Variants in ADGRV1 observed in about 807,000 individuals in gnomAD.
ADGRV1 encodes the protein G-protein coupled receptor 98.
ADGRV1 carries 359 observed loss-of-function variants against 596.2 expected under a neutral mutation model. The observed-to-expected ratio is 0.60, with a 90% CI of 0.55 to 0.66. The LOEUF is 0.66. Among genes scored for constraint, ADGRV1 ranks in the 30% least tolerant of loss-of-function variants. The pLI is 0.00. For missense variants in ADGRV1, 7,274 were observed against 7,575.6 expected, an observed-to-expected ratio of 0.96 and a Z score of 1.48; for synonymous variants, 2,681 against 2,679.2, an observed-to-expected ratio of 1.00 and a Z score of -0.02.
At chr5:90,903,407 T>TA (rs1157374599) in intron 83 of ADGRV1, among the ~76,000 whole-genome samples, 12 of 152,058 alleles carry the variant, frequency 7.9e-5, no homozygotes, top group Admixed American at 7.9e-4. Flanking sequence ...TTTATCTCTT[T>TA]AAAATGGGAC....
intron 85 of ADGRV1, among the ~76,000 whole-genome samples, chr5:91,013,480 T>C (rs529319553): frequency 1.3e-5 from 2 of 152,296 alleles, no homozygotes; most frequent in African/African-American, 4.8e-5. Context: ...TGAGCTTTCT[T>C]CATATGCCTG....
intron 79 of ADGRV1, chr5:90,850,748 G>A (rs968210499): frequency 6.6e-6 from 1 of 152,158 alleles, no homozygotes; most frequent in Admixed American, 6.6e-5. Context: ...TGCTGTGCAT[G>A]TTGAGTCCCA....
intron 83 of ADGRV1, among the ~76,000 whole-genome samples, chr5:90,878,043 G>A (rs556955058): frequency 6.6e-6 from 1 of 152,274 alleles, no homozygotes; most frequent in East Asian, 1.9e-4. Flanking sequence ...CAGTGATAAT[G>A]CCACAGGAAA....
chr5:90,622,572 C>T, intron 4 of ADGRV1, 25 bp from the exon 5 acceptor site: 7 of 1,181,356 alleles, frequency 5.9e-6, no homozygotes, highest in Non-Finnish European at 8.0e-6. Flanking sequence ...AGCTCCTGAT[C>T]ATCTGTGCTT....
intron 87 of ADGRV1, among the ~76,000 whole-genome samples, chr5:91,131,950 T>C (rs1794252813): frequency 6.6e-6 from 1 of 152,200 alleles, no homozygotes; most frequent in Non-Finnish European, 1.5e-5. Flanking sequence ...AAATCTTTAA[T>C]CCACTTTGAG....
intron 64 of ADGRV1, among the ~76,000 whole-genome samples, chr5:90,780,329 G>A (rs1758704863): frequency 6.6e-6 from 1 of 152,084 alleles, no homozygotes; most frequent in South Asian, 2.1e-4. Flanking sequence ...ACTGGTAACA[G>A]TTACTCTTAT....
At chr5:90,858,941 C>T (rs2150430207) in intron 82 of ADGRV1, among the ~76,000 whole-genome samples, 1 of 152,278 alleles carries the variant, frequency 6.6e-6, no homozygotes, top group South Asian at 2.1e-4. Flanking sequence ...TTCTAAAAAG[C>T]CACCCAAAAT....
In ADGRV1 at chr5:90,628,816, T is replaced by A. The variant is rs779083717; in HGVS notation, c.1493T>A (p.Val498Glu). 9.3e-6 allele frequency: 15 copies of A among 1,613,828 alleles called. No individual in the cohort carries two copies. The highest frequency in any genetic ancestry group is 1.3e-5 in the Non-Finnish European group (15 of 1,179,840). ...CATACAATACGAGGAGGTGCAGAAG[T>A]GAGCGAGCCAGCGGAGGTATAACCC... Reference protein sequence around the residue: ...LPHTIRGGAEVSEPAELLFYI... With the variant: ...LPHTIRGGAEESEPAELLFYI... Residue 498 changes from valine (V) to glutamate (E), a missense_variant, in exon 8 of 90, where the codon GTG becomes GAG. Around this residue, in one of 5 missense-constraint regions of ADGRV1, gnomAD observed 1,715 missense variants for 1,708.8 expected, o/e 1.00. Transcript: ENST00000405460.
intron 85 of ADGRV1, among the ~76,000 whole-genome samples, chr5:90,994,329 C>G (rs1781233113): frequency 6.6e-6 from 1 of 152,144 alleles, no homozygotes; most frequent in South Asian, 2.1e-4. Context: ...TCCCAAAGTG[C>G]TGGGATTACA....
At position 90,848,805 on chromosome 5, in the gene ADGRV1, G is replaced by T. The variant is rs745645525; in HGVS notation, c.17188G>T (p.Gly5730Cys). 6.3e-7 allele frequency: 1 copy of T among 1,580,644 alleles called. No homozygotes were observed. The highest frequency in any genetic ancestry group is 1.2e-5 in the South Asian group (1 of 83,152). Residue 5730 changes from glycine (G) to cysteine (C), a missense_variant, in exon 79 of 90, where the codon GGC becomes TGC. By Grantham distance (159) the Gly-to-Cys change is radical. Transcript: ENST00000405460. ...TTCTCTGCTGACTAATGTTACTTGC[G>T]GCTCTCCTGGTGAAAAGTAAGTATC... ...AFSLLTNVTCGSPGEKSKTIL... is the reference protein window; with the variant it reads ...AFSLLTNVTCCSPGEKSKTIL...
At chr5:90,743,543 C>T (rs1046527731) in intron 50 of ADGRV1, among the ~76,000 whole-genome samples, 6 of 146,994 alleles carry the variant, frequency 4.1e-5, no homozygotes, top group African/African-American at 1.3e-4. Flanking sequence ...ACGATCTCGG[C>T]TCACTGCAAG....
At chr5:90,923,907 T>C (rs1279408661) in intron 83 of ADGRV1, among the ~76,000 whole-genome samples, 2 of 151,980 alleles carry the variant, frequency 1.3e-5, no homozygotes, top group African/African-American at 2.4e-5. Flanking sequence ...TGCGATAGTT[T>C]ACTAAGAATG....
chr5:90,857,795 C>T (rs756694468), intron 82 of ADGRV1, among the ~76,000 whole-genome samples: 15 of 152,130 alleles, frequency 9.9e-5, no homozygotes, highest in Non-Finnish European at 1.8e-4. Context: ...ATATATCTTA[C>T]ATACATATTC....
At chr5:91,083,168 A>G (rs1038551403) in intron 86 of ADGRV1, among the ~76,000 whole-genome samples, 1 of 151,084 alleles carries the variant, frequency 6.6e-6, no homozygotes, top group Non-Finnish European at 1.5e-5. Context: ...GCATGTTCTC[A>G]CTCATAGATG....
At chr5:90,619,059 T>C in intron 3 of ADGRV1, 27 bp from the exon 4 acceptor site, 1 of 1,049,796 alleles carries the variant, frequency 9.5e-7, no homozygotes, top group Non-Finnish European at 1.3e-6. Context: ...TTTAATTCAT[T>C]ATTTTATTTT....
At chr5:90,767,261 T>C (rs1291550137) in intron 59 of ADGRV1, among the ~76,000 whole-genome samples, 1 of 152,236 alleles carries the variant, frequency 6.6e-6, no homozygotes, top group Non-Finnish European at 1.5e-5. Context: ...GATTTGTCAG[T>C]CGTTTTATAG....
chr5:91,134,553 AATC>A (rs1247251356), intron 87 of ADGRV1, among the ~76,000 whole-genome samples: 1 of 152,232 alleles, frequency 6.6e-6, no homozygotes, highest in Non-Finnish European at 1.5e-5. Flanking sequence ...AAAGGATCAC[AATC>A]ATCCTTTTGC....
intron 28 of ADGRV1, 38 bp downstream of exon 28, chr5:90,684,233 C>A (rs2149586704): frequency 2.0e-6 from 3 of 1,502,674 alleles, no homozygotes; most frequent in Non-Finnish European, 2.7e-6. Context: ...ATTATTAGCT[C>A]TCAGAATCCT....
intron 89 of ADGRV1, among the ~76,000 whole-genome samples, chr5:91,161,768 G>T (rs1171417135): frequency 1.3e-5 from 2 of 152,118 alleles, no homozygotes; most frequent in African/African-American, 4.8e-5. Context: ...GGTGATTAAT[G>T]ATTTTGTCAG....
Sources: gnomAD v4.1 joint callset for allele counts (sites outside exome capture counted in the v4.1 genomes callset) on GRCh38, gnomAD v4.1.1 for gene constraint, gnomAD v4.1.1 regional missense constraint, MANE v1.5 for transcripts, NCBI Gene and HGNC (gene_info 2026-07-23, HGNC 2026-07-21) for gene names.